TWIST2: variants seen among roughly 807,000 people sequenced by gnomAD.
TWIST2 encodes twist family bHLH transcription factor 2.
In TWIST2, 1 loss-of-function variant was observed where a neutral mutation model predicts 11.6. The observed-to-expected ratio is 0.09, with a 90% CI of 0.03 to 0.41. TWIST2 has a LOEUF of 0.41. Among genes scored for constraint, TWIST2 ranks in the 10% least tolerant of loss-of-function variants. The pLI is 0.98. For synonymous variants in TWIST2, 87 were observed against 96.6 expected, an observed-to-expected ratio of 0.90 and a Z score of 0.58; for missense variants, 168 against 226.4, an observed-to-expected ratio of 0.74 and a Z score of 1.66.
At chr2:238,896,184 A>T (rs1478302037) in intron 1 of TWIST2, among the ~76,000 whole-genome samples, 1 of 152,196 alleles carries the variant, frequency 6.6e-6, no homozygotes, top group Non-Finnish European at 1.5e-5. Flanking sequence ...ACGGCTCCGC[A>T]GTCGCCTGAC....
At chr2:238,877,518 T>A (rs558401209) in intron 1 of TWIST2, among the ~76,000 whole-genome samples, 108 of 152,284 alleles carry the variant, frequency 7.1e-4, no homozygotes, top group Non-Finnish European at 1.9e-4. Context: ...ACAAGCATTC[T>A]TACACACACC....
At chr2:238,905,279 C>A (rs1435078063) in intron 1 of TWIST2, among the ~76,000 whole-genome samples, 5 of 152,210 alleles carry the variant, frequency 3.3e-5, no homozygotes, top group African/African-American at 1.2e-4. Flanking sequence ...TTTGCAGCTC[C>A]ACCCATCCCC....
intron 1 of TWIST2, among the ~76,000 whole-genome samples, chr2:238,860,692 C>T (rs1692415910): frequency 6.6e-6 from 1 of 152,216 alleles, no homozygotes; most frequent in African/African-American, 2.4e-5. Context: ...AATCCCAGCA[C>T]TTTGGGAGGC....
At chr2:238,908,444 C>G (rs915112177) in intron 1 of TWIST2, among the ~76,000 whole-genome samples, 2 of 151,868 alleles carry the variant, frequency 1.3e-5, no homozygotes, top group Non-Finnish European at 2.9e-5. Flanking sequence ...CATACACACA[C>G]ATGCACACAC....
At chr2:238,877,808 C>A (rs1692833677) in intron 1 of TWIST2, among the ~76,000 whole-genome samples, 1 of 152,086 alleles carries the variant, frequency 6.6e-6, no homozygotes, top group South Asian at 2.1e-4. Flanking sequence ...AAATTATTTT[C>A]AGGTGCACCT....
At chr2:238,853,492 T>C (rs1176896768) in intron 1 of TWIST2, among the ~76,000 whole-genome samples, 1 of 144,130 alleles carries the variant, frequency 6.9e-6, no homozygotes, top group Non-Finnish European at 1.5e-5. Context: ...ACTCAAACCC[T>C]AAGCCCAGTT....
chr2:238,856,139 A>G (rs1408949206), intron 1 of TWIST2, among the ~76,000 whole-genome samples: 2 of 151,986 alleles, frequency 1.3e-5, no homozygotes, highest in Middle Eastern at 3.4e-3. Context: ...GTCAGGAGAG[A>G]GCTTATCTTG....
chr2:238,852,278 G>A (rs894577451), intron 1 of TWIST2, among the ~76,000 whole-genome samples: 4 of 152,032 alleles, frequency 2.6e-5, no homozygotes, highest in East Asian at 3.9e-4. Flanking sequence ...CTTTTATGAC[G>A]GTTTTTAAGC....
intron 1 of TWIST2, among the ~76,000 whole-genome samples, chr2:238,877,094 G>A (rs1463128720): frequency 6.6e-6 from 1 of 152,124 alleles, no homozygotes; most frequent in Non-Finnish European, 1.5e-5. Flanking sequence ...CTACTCAGGA[G>A]GCTGACGCAG....
At chr2:238,853,431 A>AGGAGAGAG (rs1692277205) in intron 1 of TWIST2, among the ~76,000 whole-genome samples, 2 of 109,468 alleles carry the variant, frequency 1.8e-5, no homozygotes, top group Non-Finnish European at 4.2e-5. Flanking sequence ...GAGAGAGAGA[A>AGGAGAGAG]GGAGAGAGGG....
chr2:238,874,027 C>T (rs370046432), intron 1 of TWIST2, among the ~76,000 whole-genome samples: 1 of 152,060 alleles, frequency 6.6e-6, no homozygotes, highest in Non-Finnish European at 1.5e-5. Flanking sequence ...GGGGTTCATG[C>T]GTTAGAGGAG....
At chr2:238,851,642 T>G (rs1317756301) in intron 1 of TWIST2, among the ~76,000 whole-genome samples, 1 of 152,214 alleles carries the variant, frequency 6.6e-6, no homozygotes, top group Non-Finnish European at 1.5e-5. Flanking sequence ...CTAATATATG[T>G]GAGCCTTTTC....
chr2:238,878,747 C>G (rs140161534), intron 1 of TWIST2, among the ~76,000 whole-genome samples: 279 of 150,878 alleles, frequency 1.8e-3, no homozygotes, highest in African/African-American at 6.2e-3. Context: ...GCGCTAATAA[C>G]TGTCTGTGAC....
intron 1 of TWIST2, among the ~76,000 whole-genome samples, chr2:238,856,653 G>A (rs1048413167): frequency 6.6e-6 from 1 of 152,150 alleles, no homozygotes; most frequent in African/African-American, 2.4e-5. Context: ...CTTAAGAATA[G>A]GTCCCATTCT....
At chr2:238,872,973 G>C (rs1177813995) in intron 1 of TWIST2, among the ~76,000 whole-genome samples, 1 of 152,174 alleles carries the variant, frequency 6.6e-6, no homozygotes, top group Non-Finnish European at 1.5e-5. Context: ...TGTCTCTCCT[G>C]TGGAGGACTC....
chr2:238,874,684 G>A (rs1436941471), intron 1 of TWIST2, among the ~76,000 whole-genome samples: 4 of 152,178 alleles, frequency 2.6e-5, no homozygotes, highest in Non-Finnish European at 5.9e-5. Context: ...GCAAATCTTG[G>A]TACTTTGCTT....
At chr2:238,894,914 A>G (rs1693189962) in intron 1 of TWIST2, among the ~76,000 whole-genome samples, 1 of 152,210 alleles carries the variant, frequency 6.6e-6, no homozygotes, top group South Asian at 2.1e-4. Context: ...TTTATATTTC[A>G]TAGCAAGCTT....
At chr2:238,894,901 A>G (rs1293069228) in intron 1 of TWIST2, among the ~76,000 whole-genome samples, 1 of 152,128 alleles carries the variant, frequency 6.6e-6, no homozygotes, top group African/African-American at 2.4e-5. Context: ...GTCATCACCT[A>G]TATTTATATT....
At chr2:238,899,790 G>A (rs901759853) in intron 1 of TWIST2, among the ~76,000 whole-genome samples, 8 of 152,102 alleles carry the variant, frequency 5.3e-5, no homozygotes, top group Non-Finnish European at 8.8e-5. Context: ...ATTCACAGGC[G>A]GCAACGTTCT....
Sources: allele counts gnomAD v4.1 joint callset (sites outside exome capture counted in the v4.1 genomes callset), GRCh38; gene constraint gnomAD v4.1.1; transcripts MANE v1.5; gene names NCBI Gene and HGNC (gene_info 2026-07-23, HGNC 2026-07-21).